Variants in SNX29 observed in about 807,000 individuals in gnomAD.
SNX29 encodes sorting nexin-29.
A neutral mutation model predicts 102.1 loss-of-function variants in SNX29; 78 were observed. That is an observed-to-expected ratio of 0.76 (90% CI 0.64 to 0.92). The LOEUF (loss-of-function observed/expected upper bound fraction) is 0.92. SNX29 is among the 40% of genes least tolerant of loss of function. The pLI is 0.00. For synonymous variants in SNX29, 580 were observed against 414.5 expected (o/e 1.40, Z -4.85); for missense variants, 1,280 against 1,061.7 (o/e 1.21, Z -2.86).
rs200385910 is a variant in SNX29 at position 12,138,196 on chromosome 16, A to G, written c.1595+8438A>G. Among the ~76,000 whole-genome samples, 6 of 143,480 alleles carry G rather than the reference A, an allele frequency of 4.2e-5. No homozygotes were observed. In the South Asian group the frequency reaches 1.3e-3, roughly 32 times the overall value. The allele number at this position is 143,480 out of a possible 152,430, so 94.1% of individuals were successfully genotyped here. ...TGTACACGAGACTGAAAAAAAAAGA[A>G]TTTGTCACTCTTTTTTTTTTTTTTT... On this transcript the variant is annotated intron_variant, in intron 13 of 20. Coordinates refer to ENST00000566228, the MANE Select transcript of SNX29 (RefSeq NM_032167.5).
intron 13 of SNX29, among the ~76,000 whole-genome samples, chr16:12,141,700 G>A (rs1007594659): frequency 6.6e-6 from 1 of 152,218 alleles, no homozygotes; most frequent in Non-Finnish European, 1.5e-5. Context: ...GTGCTGGTGG[G>A]AATGTCCTTA....
chr16:12,208,525 C>T (rs1171491162), intron 14 of SNX29, among the ~76,000 whole-genome samples: 1 of 152,154 alleles, frequency 6.6e-6, no homozygotes. Context: ...TGTGGTGGCT[C>T]ACGCCTATAA....
intron 18 of SNX29, among the ~76,000 whole-genome samples, chr16:12,428,276 A>G (rs1167191028): frequency 1.8e-4 from 27 of 152,358 alleles, no homozygotes; most frequent in Admixed American, 1.6e-3. Context: ...TCCTTAAAAA[A>G]TCAACAGAGA....
intron 18 of SNX29, among the ~76,000 whole-genome samples, chr16:12,407,224 G>A (rs886971052): frequency 6.6e-6 from 1 of 152,186 alleles, no homozygotes; most frequent in African/African-American, 2.4e-5. Context: ...GGAAGTCTCT[G>A]TGTCACTCTC....
chr16:12,305,921 G>T (rs982943749), intron 15 of SNX29, among the ~76,000 whole-genome samples: 3 of 152,122 alleles, frequency 2.0e-5, no homozygotes, highest in Non-Finnish European at 4.4e-5. Flanking sequence ...TCCAGCCAAA[G>T]ATTCTATTTC....
chr16:12,197,629 C>T (rs974606133), intron 13 of SNX29, among the ~76,000 whole-genome samples: 2 of 152,154 alleles, frequency 1.3e-5, no homozygotes, highest in African/African-American at 4.8e-5. Context: ...AAGATTTTGT[C>T]TCCCACAAAC....
At chr16:12,332,064 A>T (rs540463576) in intron 15 of SNX29, among the ~76,000 whole-genome samples, 13 of 152,078 alleles carry the variant, frequency 8.5e-5, no homozygotes, top group East Asian at 1.9e-4. Flanking sequence ...CATCTCAAAA[A>T]AATAATAATA....
chr16:12,270,684 A>T (rs1382897747), intron 14 of SNX29, among the ~76,000 whole-genome samples: 1 of 152,070 alleles, frequency 6.6e-6, no homozygotes, highest in Non-Finnish European at 1.5e-5. Context: ...TTTTTTGTGC[A>T]TGTCATCTAC....
intron 20 of SNX29, among the ~76,000 whole-genome samples, chr16:12,548,570 G>A (rs369733137): frequency 6.6e-6 from 1 of 152,156 alleles, no homozygotes. Context: ...TATGATGCTG[G>A]CTTCCCTGTA....
chr16:12,073,038 G>A (rs1254992349), intron 10 of SNX29, among the ~76,000 whole-genome samples: 9 of 151,924 alleles, frequency 5.9e-5, no homozygotes, highest in African/African-American at 1.5e-4. Flanking sequence ...TTTTTATTGC[G>A]TCTATTTGAT....
At chr16:12,388,810 G>C (rs569088455) in intron 16 of SNX29, among the ~76,000 whole-genome samples, 1 of 152,326 alleles carries the variant, frequency 6.6e-6, no homozygotes, top group African/African-American at 2.4e-5. Context: ...TTGACCTGGA[G>C]GGTTCTGCCT....
In SNX29 at chr16:12,571,324, C is replaced by T. The variant is rs1247791878; in HGVS notation, c.*2695C>T. On this transcript the variant is annotated 3_prime_UTR_variant, in exon 21 of 21. Transcript: ENST00000566228. ...TGGAAATGTGTCAACTGCCTGTCAGCCTGGATTCAATTCTGAGGGCTAAGC... is the reference window on the plus strand; with the variant it reads ...TGGAAATGTGTCAACTGCCTGTCAGTCTGGATTCAATTCTGAGGGCTAAGC... 3 of 231,378 alleles carry T rather than the reference C, an allele frequency of 1.3e-5. No individual in the cohort carries two copies. Among genetic ancestry groups the T allele is most frequent in the South Asian group, 1.8e-4 (1 of 5,530 alleles). 14.3% of individuals were successfully genotyped at this position (231,378 alleles called of 1,614,324 possible).
chr16:12,253,934 G>A (rs1281069140), intron 14 of SNX29, among the ~76,000 whole-genome samples: 2 of 152,148 alleles, frequency 1.3e-5, no homozygotes, highest in Non-Finnish European at 2.9e-5. Context: ...AGAATGGTAA[G>A]AAGTGGCCTG....
intron 10 of SNX29, among the ~76,000 whole-genome samples, chr16:12,070,352 A>C (rs2051239440): frequency 8.8e-6 from 1 of 114,030 alleles, no homozygotes. Flanking sequence ...AACAGTCCCC[A>C]GAGTGTGATG....
chr16:12,242,248 C>T (rs1161393747), intron 14 of SNX29, among the ~76,000 whole-genome samples: 1 of 151,594 alleles, frequency 6.6e-6, no homozygotes, highest in Admixed American at 6.6e-5. Flanking sequence ...ACTTGTTTGA[C>T]TTCTTGGGAG....
chr16:12,215,259 C>T (rs1396354979), intron 14 of SNX29, among the ~76,000 whole-genome samples: 1 of 150,174 alleles, frequency 6.7e-6, no homozygotes, highest in East Asian at 2.0e-4. Context: ...CTTTGAGAGG[C>T]TGAGGTAGGA....
At chr16:12,092,191 C>G (rs895763601) in intron 11 of SNX29, among the ~76,000 whole-genome samples, 1 of 152,154 alleles carries the variant, frequency 6.6e-6, no homozygotes, top group Non-Finnish European at 1.5e-5. Context: ...GGGATACAAG[C>G]TCCCTGAGTA....
At chr16:12,135,542 T>C (rs1391964697) in intron 13 of SNX29, 1 of 1,323,680 alleles carries the variant, frequency 7.6e-7, no homozygotes, top group East Asian at 4.1e-5. Flanking sequence ...TTTGCTATTT[T>C]GTTGGCAGCT....
chr16:12,010,216 T>C (rs1313917098), intron 3 of SNX29, among the ~76,000 whole-genome samples: 1 of 152,216 alleles, frequency 6.6e-6, no homozygotes, highest in Admixed American at 6.5e-5. Flanking sequence ...ATTATAAGGA[T>C]ATGTAAGGTG....
Sources: allele counts gnomAD v4.1 joint callset (sites outside exome capture counted in the v4.1 genomes callset), GRCh38; gene constraint gnomAD v4.1.1; transcripts MANE v1.5; gene names NCBI Gene and HGNC (gene_info 2026-07-23, HGNC 2026-07-21).